SPATA6L: variants seen among roughly 807,000 people sequenced by gnomAD.
SPATA6L encodes spermatogenesis associated 6 like, also known as spermatogenesis associated 6-like protein.
Under a neutral mutation model 49.2 loss-of-function variants are expected in SPATA6L, and 68 were observed. That is an observed-to-expected ratio of 1.38 (90% CI 1.14 to 1.69). The LOEUF (loss-of-function observed/expected upper bound fraction) is 1.69. Ranked by LOEUF, SPATA6L falls within the 40% of genes most tolerant of loss-of-function variation. The pLI is 0.00. For missense variants in SPATA6L, 668 were observed against 464.3 expected (o/e 1.44, Z -4.03); for synonymous variants, 198 against 165.7 (o/e 1.19, Z -1.50).
chr9:4,603,246 A>G (rs1046985191), intron 11 of SPATA6L, among the ~76,000 whole-genome samples: 1 of 152,186 alleles, frequency 6.6e-6, no homozygotes, highest in Non-Finnish European at 1.5e-5. Flanking sequence ...GCTGACCAAC[A>G]TGGTGAAACC....
At chr9:4,631,626 T>A (rs1266687932) in intron 4 of SPATA6L, among the ~76,000 whole-genome samples, 1 of 152,056 alleles carries the variant, frequency 6.6e-6, no homozygotes, top group Non-Finnish European at 1.5e-5. Context: ...AAAAGCCACA[T>A]GCTAGTGGAG....
chr9:4,593,868 C>T (rs897078045), downstream of SPATA6L, among the ~76,000 whole-genome samples: 2 of 152,180 alleles, frequency 1.3e-5, no homozygotes, highest in African/African-American at 2.4e-5. Context: ...TCTCATCTCT[C>T]CCTGTGCCAC....
At chr9:4,634,127 A>G (rs557102803) in intron 4 of SPATA6L, among the ~76,000 whole-genome samples, 97 of 152,216 alleles carry the variant, frequency 6.4e-4, no homozygotes, top group Non-Finnish European at 5.4e-4. Context: ...ACTTGGCTGG[A>G]TACCAGCTCA....
intron 4 of SPATA6L, among the ~76,000 whole-genome samples, chr9:4,630,805 C>A (rs758119832): frequency 2.6e-5 from 4 of 152,232 alleles, no homozygotes; most frequent in African/African-American, 4.8e-5. Context: ...GTGCTAAACA[C>A]TATATATTAC....
At chr9:4,593,010 A>G (rs1036463809) in intron 13 of SPATA6L, among the ~76,000 whole-genome samples, 2 of 152,248 alleles carry the variant, frequency 1.3e-5, no homozygotes, top group Admixed American at 6.5e-5. Context: ...TTACATGCAT[A>G]GTCTCATGCA....
chr9:4,634,563 T>C (rs370130698), intron 4 of SPATA6L, among the ~76,000 whole-genome samples: 1 of 152,208 alleles, frequency 6.6e-6, no homozygotes, highest in Non-Finnish European at 1.5e-5. Flanking sequence ...TAACAAATTA[T>C]ATTAATTGAA....
intron 3 of SPATA6L, among the ~76,000 whole-genome samples, chr9:4,635,722 G>A (rs1832672562): frequency 6.6e-6 from 1 of 152,126 alleles, no homozygotes; most frequent in Non-Finnish European, 1.5e-5. Flanking sequence ...CTTAACCCAG[G>A]CACTGAGGAT....
At chr9:4,631,359 C>CA (rs1831504309) in intron 4 of SPATA6L, among the ~76,000 whole-genome samples, 1 of 152,034 alleles carries the variant, frequency 6.6e-6, no homozygotes, top group Non-Finnish European at 1.5e-5. Flanking sequence ...CTTAACCTAA[C>CA]ATGATAATAG....
intron 3 of SPATA6L, among the ~76,000 whole-genome samples, chr9:4,641,085 A>C (rs1226295623): frequency 2.0e-5 from 3 of 152,210 alleles, no homozygotes; most frequent in Non-Finnish European, 2.9e-5. Flanking sequence ...TATGTTGAAA[A>C]TACATATTCT....
intron 2 of SPATA6L, among the ~76,000 whole-genome samples, chr9:4,658,653 G>C (rs1413475603): frequency 6.6e-6 from 1 of 152,104 alleles, no homozygotes; most frequent in Admixed American, 6.6e-5. Context: ...CTAGTTGTGT[G>C]CTTCTACAGT....
chr9:4,631,593 C>A (rs1831556331), intron 4 of SPATA6L, among the ~76,000 whole-genome samples: 1 of 151,462 alleles, frequency 6.6e-6, no homozygotes, highest in African/African-American at 2.4e-5. Context: ...TGAAATAAAA[C>A]AGCAAAATAC....
rs1587562721 is a variant in SPATA6L at position 4,662,328 on chromosome 9, G to A, written c.40-292C>T. On this transcript the variant is annotated intron_variant, in intron 1 of 11. Coordinates refer to ENST00000682582, the MANE Select transcript of SPATA6L (RefSeq NM_001353486.2). This position sits in a 1 kb window ranked among gnomAD's most constrained non-coding sequence, Gnocchi z 4.9. ...GCGGAAGAGGCTGCAGGGCCGGGAA[G>A]CCTCTGTTTGGTCCGGCCAGGTCCC... is the stretch of plus-strand genomic sequence containing the variant. The A allele has an allele frequency of 4.1e-6, 6 of 1,448,806 alleles. No homozygotes were observed. Among genetic ancestry groups the A allele is most frequent in the Middle Eastern group, 5.1e-4 (2 of 3,958 alleles). The allele number at this position is 1,448,806 out of a possible 1,614,324, so 89.7% of individuals were successfully genotyped here. A position where few individuals can be genotyped will look rare whatever the true frequency, so the allele number is the denominator to read the frequency against.
intron 1 of SPATA6L, chr9:4,663,192 A>T: frequency 6.2e-7 from 1 of 1,614,060 alleles, no homozygotes; most frequent in South Asian, 1.1e-5. Flanking sequence ...CATGCAGTAC[A>T]GCATCGTGGA....
chr9:4,589,802 G>C (rs301439), intron 13 of SPATA6L, among the ~76,000 whole-genome samples: 113,268 of 152,164 alleles, frequency 0.74, 43,420 homozygotes, highest in African/African-American at 0.94. Flanking sequence ...AGGGCCCCCC[G>C]TGGGGCTTTT....
intron 9 of SPATA6L, 22 bp downstream of exon 9, chr9:4,617,901 C>T (rs749875401): frequency 2.6e-6 from 4 of 1,565,412 alleles, no homozygotes; most frequent in East Asian, 4.6e-5. Context: ...GTCAGGCAAA[C>T]AGATGGGTGC....
intron 3 of SPATA6L, among the ~76,000 whole-genome samples, chr9:4,638,276 G>A (rs1177829385): frequency 6.6e-6 from 1 of 152,134 alleles, no homozygotes; most frequent in Admixed American, 6.5e-5. Flanking sequence ...CAGTGGCACA[G>A]TTTTGGCTCA....
In SPATA6L at chr9:4,635,347, T is replaced by G; in HGVS notation, c.279A>C (p.Pro93=). 1 of 1,590,062 alleles carries G rather than the reference T, an allele frequency of 6.3e-7. No homozygotes were observed. Among genetic ancestry groups the G allele is most frequent in the Non-Finnish European group, 8.5e-7 (1 of 1,171,578 alleles). Residue 93 remains proline (P), a synonymous_variant, in exon 4 of 12, where the codon CCA becomes CCC. Coordinates refer to ENST00000682582, the MANE Select transcript of SPATA6L (RefSeq NM_001353486.2). ...GGTGCGAAGGTGTCAGCTTGGGCTC[T>G]GGGAAAAGAAAATCTCGTGTGTTTT... ...YEENTRDFLF[P]EPKLTPSHPR...
intron 6 of SPATA6L, 107 bp from the exon 7 acceptor site, chr9:4,622,617 G>A (rs1333367178): frequency 6.8e-6 from 5 of 739,028 alleles, no homozygotes; most frequent in African/African-American, 1.8e-5. Flanking sequence ...TACACGGGTT[G>A]GAAAAAGAAG....
intron 2 of SPATA6L, among the ~76,000 whole-genome samples, chr9:4,659,932 G>A (rs188388299): frequency 1.2e-3 from 184 of 152,264 alleles, no homozygotes; most frequent in African/African-American, 4.3e-3. Context: ...AATGGGGAAA[G>A]GATTCCCTAT....
Sources: allele counts gnomAD v4.1 joint callset (sites outside exome capture counted in the v4.1 genomes callset), GRCh38; gene constraint gnomAD v4.1.1; non-coding constraint Gnocchi (gnomAD v3.1); transcripts MANE v1.5; gene names NCBI Gene and HGNC (gene_info 2026-07-23, HGNC 2026-07-21).